The following LAMA2 variants were observed in gnomAD, a reference collection of about 807,000 sequenced individuals.
LAMA2 encodes laminin subunit alpha 2, also known as laminin subunit alpha-2.
LAMA2 carries 269 observed loss-of-function variants against 364.8 expected under a neutral mutation model. The observed-to-expected ratio is 0.74, with a 90% CI of 0.67 to 0.82. The LOEUF is 0.82. Among genes scored for constraint, LAMA2 ranks in the 40% least tolerant of loss-of-function variants. LAMA2 has a pLI of 0.00. For synonymous variants in LAMA2, 1,379 were observed against 1,370.6 expected (o/e 1.01, Z -0.14); for missense variants, 3,807 against 3,873.2 (o/e 0.98, Z 0.45).
At chr6:129,063,809 T>C (rs1351416412) in intron 3 of LAMA2, among the ~76,000 whole-genome samples, 1 of 152,196 alleles carries the variant, frequency 6.6e-6, no homozygotes, top group Non-Finnish European at 1.5e-5. Context: ...CTGGAATTTA[T>C]GTTTTAGGAG....
chr6:129,444,491 A>G (rs1782270766), intron 44 of LAMA2, among the ~76,000 whole-genome samples: 1 of 152,210 alleles, frequency 6.6e-6, no homozygotes, highest in South Asian at 2.1e-4. Context: ...ATTTCTATCC[A>G]GATAACATGC....
chr6:129,474,141 T>A (rs139079325), intron 52 of LAMA2, among the ~76,000 whole-genome samples: 5 of 152,196 alleles, frequency 3.3e-5, no homozygotes, highest in African/African-American at 1.2e-4. Context: ...GTTTAATTAG[T>A]TTGGTATTTT....
At chr6:128,912,946 T>C (rs982611659) in intron 1 of LAMA2, among the ~76,000 whole-genome samples, 1 of 152,094 alleles carries the variant, frequency 6.6e-6, no homozygotes, top group Non-Finnish European at 1.5e-5. Context: ...CTGTGGAGCA[T>C]GGGCGACCAG....
chr6:128,957,489 G>A (rs1470351298), intron 1 of LAMA2, among the ~76,000 whole-genome samples: 2 of 151,816 alleles, frequency 1.3e-5, no homozygotes, highest in African/African-American at 2.4e-5. Flanking sequence ...ATCTTTTAAA[G>A]TCTGTTCTAC....
chr6:129,058,243 C>A (rs1429675345), intron 2 of LAMA2, among the ~76,000 whole-genome samples: 1 of 152,164 alleles, frequency 6.6e-6, no homozygotes, highest in Non-Finnish European at 1.5e-5. Context: ...AGACAAGAAC[C>A]AATGACTGGG....
In LAMA2 at chr6:129,196,530, A is replaced by G. The variant is rs940616512; in HGVS notation, c.1782+3677A>G. 4.6e-5 allele frequency among the ~76,000 whole-genome samples: 7 copies of G among 152,254 alleles called. No homozygotes were observed. In the South Asian group the frequency reaches 1.0e-3, roughly 23 times the overall value. On this transcript the variant is annotated intron_variant, in intron 12 of 64. Transcript: ENST00000421865. Reference sequence around the variant, plus strand: ...AAGATGAATTCTGTCTTGCTTTACAAAATAATTAAAAACTCGCTAACAAAT... The same window carrying G: ...AAGATGAATTCTGTCTTGCTTTACAGAATAATTAAAAACTCGCTAACAAAT...
intron 42 of LAMA2, 111 bp downstream of exon 42, chr6:129,438,873 T>C: frequency 1.4e-6 from 1 of 728,286 alleles, no homozygotes; most frequent in East Asian, 2.5e-5. Context: ...ATCTGGAAAT[T>C]AGATACTGTT....
intron 1 of LAMA2, among the ~76,000 whole-genome samples, chr6:129,035,926 C>T (rs1344213646): frequency 6.6e-6 from 1 of 152,120 alleles, no homozygotes; most frequent in East Asian, 1.9e-4. Flanking sequence ...GTGATGCCCC[C>T]AGCGTTGATC....
At chr6:128,886,632 G>C (rs1776162895) in intron 1 of LAMA2, among the ~76,000 whole-genome samples, 1 of 152,144 alleles carries the variant, frequency 6.6e-6, no homozygotes, top group Admixed American at 6.6e-5. Flanking sequence ...AAGATTTAGG[G>C]AAGGCAATCA....
At chr6:129,387,327 G>C (rs1344694633) in intron 35 of LAMA2, among the ~76,000 whole-genome samples, 2 of 152,124 alleles carry the variant, frequency 1.3e-5, no homozygotes, top group East Asian at 1.9e-4. Flanking sequence ...CTGATCATTA[G>C]AGAAATGCAA....
At chr6:129,425,292 G>T (rs906990948) in intron 40 of LAMA2, among the ~76,000 whole-genome samples, 1 of 151,986 alleles carries the variant, frequency 6.6e-6, no homozygotes. Flanking sequence ...AACAGTATTA[G>T]TCATCTCTGG....
Position 129,478,730 on chromosome 6 carries a change from A to AAAG in LAMA2, c.7491_7493dup (p.Lys2497_Asp2498insGlu). On this transcript the variant is annotated inframe_insertion, in exon 54 of 65. Coordinates refer to ENST00000421865, the MANE Select transcript of LAMA2 (RefSeq NM_000426.4). Reference sequence around the variant, plus strand: ...TCTGAAGAAATATTCCGGCTGCCTCAAAGATATTGAAATTTCAAGAACTCC... The same window carrying AAAG: ...TCTGAAGAAATATTCCGGCTGCCTCAAAGAAGATATTGAAATTTCAAGAACTCC... The AAAG allele has an allele frequency of 1.2e-6, 2 of 1,613,348 alleles. No homozygotes were observed. Among genetic ancestry groups the AAAG allele is most frequent in the Non-Finnish European group, 1.7e-6 (2 of 1,179,340 alleles).
intron 37 of LAMA2, among the ~76,000 whole-genome samples, chr6:129,398,966 T>C (rs1011187134): frequency 6.6e-6 from 1 of 152,204 alleles, no homozygotes; most frequent in African/African-American, 2.4e-5. Flanking sequence ...TTTACTGATA[T>C]GTAATAAATG....
intron 40 of LAMA2, among the ~76,000 whole-genome samples, chr6:129,425,823 C>T (rs1781300268): frequency 6.6e-6 from 1 of 152,038 alleles, no homozygotes; most frequent in Admixed American, 6.6e-5. Context: ...TTTATTTATC[C>T]AGTCTGCCGC....
chr6:129,445,805 G>A lies in LAMA2; in HGVS notation c.6413G>A (p.Arg2138Gln), dbSNP rs1307528497. 10 of 1,613,418 alleles carry A rather than the reference G, an allele frequency of 6.2e-6. No homozygotes were observed. Among genetic ancestry groups the A allele is most frequent in the South Asian group, 4.4e-5 (4 of 91,050 alleles). ...ATAAAGGAATTGATAAACCAAGCTC[G>A]GAAACAAGCCAATTCTGTAAGTTCT... ...SEIKELINQA[R>Q]KQANSIKVSV... The change falls in exon 45 of 65, where the codon CGG becomes CAG. Residue 2138 changes from arginine to glutamine, a missense_variant. Arg to Gln is a conservative substitution (Grantham distance 43). This residue lies in a region of LAMA2 where 3,333 missense variants were observed against 3,345.7 expected (regional missense o/e 1.00). Transcript: ENST00000421865.
chr6:128,901,159 A>T (rs1777060655), intron 1 of LAMA2, among the ~76,000 whole-genome samples: 1 of 152,194 alleles, frequency 6.6e-6, no homozygotes, highest in Non-Finnish European at 1.5e-5. Flanking sequence ...CTTATCTAGG[A>T]ACAATAAAAA....
intron 51 of LAMA2, among the ~76,000 whole-genome samples, chr6:129,468,300 G>T (rs1783644460): frequency 6.6e-6 from 1 of 151,720 alleles, no homozygotes; most frequent in East Asian, 1.9e-4. Flanking sequence ...TCTGCCCATG[G>T]TTGTTACCCA....
intron 1 of LAMA2, among the ~76,000 whole-genome samples, chr6:128,920,832 G>A (rs932021159): frequency 2.0e-5 from 3 of 152,016 alleles, no homozygotes; most frequent in African/African-American, 7.2e-5. Flanking sequence ...TTTATGTTGA[G>A]AAAGGGATGT....
intron 9 of LAMA2, among the ~76,000 whole-genome samples, chr6:129,177,377 T>A (rs1554233958): frequency 6.6e-6 from 1 of 152,228 alleles, no homozygotes; most frequent in Non-Finnish European, 1.5e-5. Flanking sequence ...TTCTTCTCAA[T>A]GTAGCATCAT....
Sources: allele counts gnomAD v4.1 joint callset (sites outside exome capture counted in the v4.1 genomes callset), GRCh38; gene constraint gnomAD v4.1.1; regional missense constraint gnomAD v4.1.1; transcripts MANE v1.5; gene names NCBI Gene and HGNC (gene_info 2026-07-23, HGNC 2026-07-21).